The following MYT1L variants were observed in gnomAD, a reference collection of about 807,000 sequenced individuals.
MYT1L encodes the protein myelin transcription factor 1-like protein.
A neutral mutation model predicts 126.7 loss-of-function variants in MYT1L; 12 were observed. The ratio of observed to expected loss-of-function variants is 0.09; its 90% CI spans 0.06 to 0.15. MYT1L has a LOEUF of 0.15. Among genes scored for constraint, MYT1L ranks in the 10% least tolerant of loss-of-function variants. MYT1L has a pLI of 1.00. For missense variants in MYT1L, 979 were observed against 1,585.2 expected, an observed-to-expected ratio of 0.62 and a Z score of 6.49; for synonymous variants, 541 against 604.2, an observed-to-expected ratio of 0.90 and a Z score of 1.53.
rs557078586 is a variant in MYT1L at position 1,852,522 on chromosome 2, C to T, written c.2712-819G>A. The stretch of plus-strand genomic sequence containing the variant: ...AGAGCTTTATAATTATATTGCCCTC[C>T]ATATAACTTCTTAACTATGCTGTCT... On this transcript the variant is annotated intron_variant, in intron 18 of 24. Coordinates refer to ENST00000647738, the MANE Select transcript of MYT1L (RefSeq NM_001303052.2). This position sits in a 1 kb window ranked among gnomAD's most constrained non-coding sequence, Gnocchi z 4.0. Among the ~76,000 whole-genome samples the T allele has an allele frequency of 2.0e-5, 3 of 152,088 alleles. No homozygotes were observed. In the East Asian group the frequency reaches 5.8e-4, roughly 29 times the overall value.
intron 3 of MYT1L, among the ~76,000 whole-genome samples, chr2:2,062,812 C>T (rs897182946): frequency 6.6e-6 from 1 of 151,854 alleles, no homozygotes; most frequent in Non-Finnish European, 1.5e-5. Flanking sequence ...TGCCCAGAGT[C>T]GTCATAATTT....
At chr2:1,999,179 G>C (rs919882277) in intron 4 of MYT1L, among the ~76,000 whole-genome samples, 1 of 152,092 alleles carries the variant, frequency 6.6e-6, no homozygotes, top group African/African-American at 2.4e-5. Flanking sequence ...AATGATAGTA[G>C]GCAGTGATAT....
intron 2 of MYT1L, among the ~76,000 whole-genome samples, chr2:2,174,958 G>A (rs542459772): frequency 4.4e-4 from 67 of 152,152 alleles, no homozygotes; most frequent in South Asian, 2.9e-3. Context: ...CCACTGCTGT[G>A]GCACCTGATA....
rs535640834 is a variant in MYT1L at position 1,991,035 on chromosome 2, G to A, written c.-1+6156C>T. Among the ~76,000 whole-genome samples, 3 of 152,244 alleles carry A rather than the reference G, an allele frequency of 2.0e-5. No individual in the cohort carries two copies. The South Asian group carries it at 6.2e-4, about 32-fold the overall frequency. On this transcript the variant is annotated intron_variant, in intron 5 of 24. Transcript: ENST00000647738. ...CCTTGCAACCTGCACTTCCCATCTT[G>A]TCCCCTCTCAGGCAGCAAGCTTGCT...
chr2:2,044,385 A>C (rs1182669861), intron 4 of MYT1L, among the ~76,000 whole-genome samples: 6 of 152,256 alleles, frequency 3.9e-5, no homozygotes, highest in Non-Finnish European at 7.3e-5. Context: ...TTGCAAATGC[A>C]GATATGGTGT....
chr2:1,875,169 C>A (rs1043971828), intron 18 of MYT1L, among the ~76,000 whole-genome samples: 1 of 152,152 alleles, frequency 6.6e-6, no homozygotes, highest in Non-Finnish European at 1.5e-5. Flanking sequence ...CCGGCGCAGG[C>A]GGAAGATACT....
intron 4 of MYT1L, among the ~76,000 whole-genome samples, chr2:2,029,142 A>G (rs1420048383): frequency 6.6e-6 from 1 of 152,242 alleles, no homozygotes; most frequent in African/African-American, 2.4e-5. Context: ...GAGAAAGGTA[A>G]TATTTTATTG....
chr2:1,899,686 C>T (rs2050083736), intron 14 of MYT1L, among the ~76,000 whole-genome samples: 1 of 152,254 alleles, frequency 6.6e-6, no homozygotes, highest in Admixed American at 6.5e-5. Context: ...ATGATTTCTG[C>T]TCAAACTCTA....
At position 1,801,655 on chromosome 2, in the gene MYT1L, C is replaced by T. The variant is rs370381715; in HGVS notation, c.3276+41G>A. Reference sequence around the variant, plus strand: ...ATGCCATGTATCTCTGGTATAATGGCGCGTGTTAGAGCTAAAATTGAGGGC... The same window carrying T: ...ATGCCATGTATCTCTGGTATAATGGTGCGTGTTAGAGCTAAAATTGAGGGC... On this transcript the variant is annotated intron_variant, in intron 23 of 24. Transcript: ENST00000647738. This position sits in a 1 kb window ranked among gnomAD's most constrained non-coding sequence, Gnocchi z 4.2. 71 of 1,228,200 alleles carry T rather than the reference C, an allele frequency of 5.8e-5. No individual in the cohort carries two copies. The highest frequency in any genetic ancestry group is 7.7e-5 in the Non-Finnish European group (65 of 840,408). 76.1% of individuals were successfully genotyped at this position (1,228,200 alleles called of 1,614,324 possible).
intron 2 of MYT1L, among the ~76,000 whole-genome samples, chr2:2,210,093 T>C (rs1329331457): frequency 6.6e-6 from 1 of 152,246 alleles, no homozygotes; most frequent in Non-Finnish European, 1.5e-5. Context: ...TGTCTTCTTC[T>C]TTTGAGAGAC....
chr2:1,830,825 G>A (rs1485372316), intron 21 of MYT1L, among the ~76,000 whole-genome samples: 18 of 152,104 alleles, frequency 1.2e-4, no homozygotes, highest in African/African-American at 4.1e-4. Context: ...CTCGCCTGCT[G>A]GCTGGCTGCG....
chr2:1,891,990 G>A lies in MYT1L; in HGVS notation c.2283+47C>T, dbSNP rs1238938408. On this transcript the variant is annotated intron_variant, in intron 15 of 24. Coordinates refer to ENST00000647738, the MANE Select transcript of MYT1L (RefSeq NM_001303052.2). ...GTCTCGGTGGCTGGGTCCGCGGCCC[G>A]GCCTCCCCCACCCGCCAGGTGGCTC... 29 of 1,459,654 alleles carry A rather than the reference G, an allele frequency of 2.0e-5. No homozygotes were observed. In the East Asian group the frequency reaches 3.3e-4, roughly 17 times the overall value. The allele number at this position is 1,459,654 out of a possible 1,614,324, so 90.4% of individuals were successfully genotyped here.
intron 18 of MYT1L, among the ~76,000 whole-genome samples, chr2:1,861,342 G>A (rs1430437978): frequency 6.6e-6 from 1 of 152,142 alleles, no homozygotes; most frequent in Non-Finnish European, 1.5e-5. Flanking sequence ...CTTGCCTTAG[G>A]AAAGGCAGGT....
At chr2:2,099,010 C>T (rs1487603555) in intron 3 of MYT1L, among the ~76,000 whole-genome samples, 1 of 152,156 alleles carries the variant, frequency 6.6e-6, no homozygotes, top group Non-Finnish European at 1.5e-5. Flanking sequence ...CAGCACGGAG[C>T]ACAGAATGTA....
chr2:1,921,303 G>C (rs547129597), intron 10 of MYT1L, among the ~76,000 whole-genome samples: 5 of 152,266 alleles, frequency 3.3e-5, no homozygotes, highest in Admixed American at 1.3e-4. Context: ...TTGTGATGGA[G>C]ATATCCACAA....
At chr2:2,281,189 G>T (rs887908469) in intron 2 of MYT1L, among the ~76,000 whole-genome samples, 1 of 152,196 alleles carries the variant, frequency 6.6e-6, no homozygotes, top group Non-Finnish European at 1.5e-5. Flanking sequence ...TCCCTGCTTT[G>T]CTCAGCACTT....
chr2:2,060,886 T>A (rs141375400), intron 3 of MYT1L, among the ~76,000 whole-genome samples: 184 of 151,766 alleles, frequency 1.2e-3, no homozygotes, highest in African/African-American at 4.0e-3. Context: ...CTTAAAAAAG[T>A]TTGTTGCCAA....
chr2:1,857,336 C>A (rs377629641), intron 18 of MYT1L, among the ~76,000 whole-genome samples: 1 of 152,196 alleles, frequency 6.6e-6, no homozygotes, highest in South Asian at 2.1e-4. Flanking sequence ...AAAGGACTCC[C>A]AGAATGTTTC....
At chr2:1,881,620 T>C (rs535043961) in intron 18 of MYT1L, among the ~76,000 whole-genome samples, 1 of 152,224 alleles carries the variant, frequency 6.6e-6, no homozygotes, top group South Asian at 2.1e-4. Flanking sequence ...GAGGAGCAAG[T>C]TGAAAATGCA....
Sources: gnomAD v4.1 joint callset for allele counts (sites outside exome capture counted in the v4.1 genomes callset) on GRCh38, gnomAD v4.1.1 for gene constraint, Gnocchi (gnomAD v3.1) non-coding constraint, MANE v1.5 for transcripts, NCBI Gene and HGNC (gene_info 2026-07-23, HGNC 2026-07-21) for gene names.